Variants in LRFN2 observed in about 807,000 individuals in gnomAD.
LRFN2 encodes leucine rich repeat and fibronectin type III domain containing 2.
Under a neutral mutation model 37.3 loss-of-function variants are expected in LRFN2, and 18 were observed. That is an observed-to-expected ratio of 0.48 (90% CI 0.33 to 0.72). The LOEUF (loss-of-function observed/expected upper bound fraction) is 0.72, where lower values mean the gene tolerates loss of function less well. LRFN2 is among the 30% of genes least tolerant of loss of function. The probability of loss-of-function intolerance (pLI) is 0.02; values close to 1 mark genes in which losing one functional copy is unlikely to be tolerated. For missense variants in LRFN2, 1,006 were observed against 1,060.7 expected (o/e 0.95, Z 0.72); for synonymous variants, 556 against 466.6 (o/e 1.19, Z -2.47).
chr6:40,403,669 AG>A (rs1283916288), intron 2 of LRFN2, among the ~76,000 whole-genome samples: 1 of 152,186 alleles, frequency 6.6e-6, no homozygotes, highest in East Asian at 1.9e-4. Context: ...GACAGCAGGC[AG>A]GGTTGGCATC....
Position 40,432,453 on chromosome 6 carries a change from A to T in LRFN2, c.661T>A (p.Ser221Thr). 1 of 1,614,174 alleles carries T rather than the reference A, an allele frequency of 6.2e-7. No homozygotes were observed. Among genetic ancestry groups the T allele is most frequent in the South Asian group, 1.1e-5 (1 of 91,082 alleles). The stretch of plus-strand genomic sequence containing the variant: ...GTGGCTGTCAAAGCCGAAGCCTGGG[A>T]GCGGGCAAAGATGGGATCAGGGGGC... ...KLPPDPIFAR[S>T]QASALTATPF... Residue 221 changes from serine to threonine, a missense_variant, in exon 2 of 3, where the codon TCC becomes ACC. Transcript: ENST00000338305.
chr6:40,469,228 G>T (rs957614929), intron 1 of LRFN2, among the ~76,000 whole-genome samples: 6 of 152,128 alleles, frequency 3.9e-5, no homozygotes, highest in South Asian at 2.1e-4. Context: ...ACTAGAAGAG[G>T]CAAGGAAGGC....
chr6:40,471,497 G>A (rs1318259325), intron 1 of LRFN2, among the ~76,000 whole-genome samples: 1 of 152,208 alleles, frequency 6.6e-6, no homozygotes, highest in Non-Finnish European at 1.5e-5. Flanking sequence ...GGTGTGGCAT[G>A]CTGTTGAGCG....
At chr6:40,505,866 C>A (rs1765519380) in intron 1 of LRFN2, among the ~76,000 whole-genome samples, 1 of 152,180 alleles carries the variant, frequency 6.6e-6, no homozygotes, top group African/African-American at 2.4e-5. Flanking sequence ...AGCCAGCTGG[C>A]CAGCTAGAGA....
At chr6:40,487,199 G>A (rs761429421) in intron 1 of LRFN2, among the ~76,000 whole-genome samples, 4 of 152,152 alleles carry the variant, frequency 2.6e-5, no homozygotes, top group African/African-American at 4.8e-5. Context: ...CTCTTTTGCT[G>A]GTCTTTCAGC....
At chr6:40,474,389 A>C (rs377398414) in intron 1 of LRFN2, among the ~76,000 whole-genome samples, 1 of 152,078 alleles carries the variant, frequency 6.6e-6, no homozygotes, top group Non-Finnish European at 1.5e-5. Context: ...CTGTCTTTAC[A>C]TGGCTGTCTT....
intron 1 of LRFN2, among the ~76,000 whole-genome samples, chr6:40,575,343 G>T (rs1457421968): frequency 6.6e-6 from 1 of 150,398 alleles, no homozygotes; most frequent in Non-Finnish European, 1.5e-5. Context: ...TAAACAAAGG[G>T]CAAGGGAACA....
chr6:40,414,668 G>A (rs779353878), intron 2 of LRFN2, among the ~76,000 whole-genome samples: 21 of 152,148 alleles, frequency 1.4e-4, no homozygotes, highest in South Asian at 6.2e-4. Context: ...ATATAAAATC[G>A]GACACGCAAA....
At chr6:40,398,546 C>T (rs1249869360) in intron 2 of LRFN2, among the ~76,000 whole-genome samples, 1 of 151,748 alleles carries the variant, frequency 6.6e-6, no homozygotes, top group African/African-American at 2.4e-5. Flanking sequence ...TAATAAATGG[C>T]TCAACCATCA....
chr6:40,448,344 C>T (rs1403683382), intron 1 of LRFN2, among the ~76,000 whole-genome samples: 1 of 152,078 alleles, frequency 6.6e-6, no homozygotes, highest in Non-Finnish European at 1.5e-5. Context: ...CCTCTGGCAG[C>T]CTCAGATAGG....
chr6:40,573,727 C>T (rs1463212612), intron 1 of LRFN2, among the ~76,000 whole-genome samples: 4 of 152,198 alleles, frequency 2.6e-5, no homozygotes, highest in African/African-American at 7.2e-5. Flanking sequence ...CCTGTAATCC[C>T]AGCACTTTGG....
intron 1 of LRFN2, among the ~76,000 whole-genome samples, chr6:40,510,799 G>A (rs1765684444): frequency 6.6e-6 from 1 of 152,224 alleles, no homozygotes; most frequent in Admixed American, 6.5e-5. Context: ...CAGGCAGAAT[G>A]CAGGGAGCAA....
At position 40,461,400 on chromosome 6, in the gene LRFN2, C is replaced by A. The variant is rs1244249636; in HGVS notation, c.-18-28269G>T. Among the ~76,000 whole-genome samples, 3 of 151,662 alleles carry A rather than the reference C, an allele frequency of 2.0e-5. No individual in the cohort carries two copies. In the East Asian group the frequency reaches 5.8e-4, roughly 29 times the overall value. ...TCCAGCCTGGGTGATAGAGTGAGAC[C>A]CTGACTCTAAAAAAATAAAATAAAA... On this transcript the variant is annotated intron_variant, in intron 1 of 2. Coordinates refer to ENST00000338305, the MANE Select transcript of LRFN2 (RefSeq NM_020737.3).
At chr6:40,568,664 G>A (rs951761929) in intron 1 of LRFN2, among the ~76,000 whole-genome samples, 45 of 149,744 alleles carry the variant, frequency 3.0e-4, no homozygotes, top group Non-Finnish European at 3.8e-4. Context: ...GTGTCACTGG[G>A]TTACTAAACG....
intron 1 of LRFN2, among the ~76,000 whole-genome samples, chr6:40,473,081 C>A (rs9296337): frequency 0.013 from 2,001 of 152,260 alleles, 45 homozygotes; most frequent in African/African-American, 0.045. Context: ...TCTCTTCTCC[C>A]ACGCCTCCAG....
chr6:40,435,118 TTA>T (rs572879306), intron 1 of LRFN2, among the ~76,000 whole-genome samples: 153 of 127,496 alleles, frequency 1.2e-3, no homozygotes, highest in African/African-American at 4.4e-3. Context: ...ATTATATATT[TTA>T]TATATATATT....
chr6:40,499,088 A>G (rs1765307975), intron 1 of LRFN2, among the ~76,000 whole-genome samples: 1 of 152,220 alleles, frequency 6.6e-6, no homozygotes. Flanking sequence ...ACTTAGAATG[A>G]GGAAGGAGGA....
Position 40,542,647 on chromosome 6 carries a change from T to C in LRFN2, c.-19+44294A>G, listed in dbSNP as rs140166491. ...GAGGGAAGTGAGATACTAAAGGACCTTCACATCCTCTCCTCTGTACCCAGC... is the reference window on the plus strand; with the variant it reads ...GAGGGAAGTGAGATACTAAAGGACCCTCACATCCTCTCCTCTGTACCCAGC... On this transcript the variant is annotated intron_variant, in intron 1 of 2. Coordinates refer to ENST00000338305, the MANE Select transcript of LRFN2 (RefSeq NM_020737.3). 3.8e-3 allele frequency among the ~76,000 whole-genome samples: 582 copies of C among 152,226 alleles called. 2 individuals carry two copies. The highest frequency in any genetic ancestry group is 0.013 in the African/African-American group (537 of 41,538).
intron 1 of LRFN2, among the ~76,000 whole-genome samples, chr6:40,543,865 C>T (rs980175096): frequency 3.9e-5 from 6 of 152,194 alleles, no homozygotes; most frequent in African/African-American, 1.4e-4. Flanking sequence ...GTGTCTTGCC[C>T]TTGGTGTGGC....
Sources: allele counts gnomAD v4.1 joint callset (sites outside exome capture counted in the v4.1 genomes callset), GRCh38; gene constraint gnomAD v4.1.1; transcripts MANE v1.5; gene names NCBI Gene and HGNC (gene_info 2026-07-23, HGNC 2026-07-21).